Variants in FRMD4A observed in about 807,000 individuals in gnomAD.
FRMD4A encodes the protein FERM domain containing 4A.
FRMD4A carries 29 observed loss-of-function variants against 129.1 expected under a neutral mutation model. The ratio of observed to expected loss-of-function variants is 0.22; its 90% CI spans 0.17 to 0.31. The LOEUF is 0.31. Among genes scored for constraint, FRMD4A ranks in the 10% least tolerant of loss-of-function variants. FRMD4A has a pLI of 1.00. For missense variants in FRMD4A, 1,272 were observed against 1,375.8 expected, an observed-to-expected ratio of 0.92 and a Z score of 1.19; for synonymous variants, 634 against 571.6, an observed-to-expected ratio of 1.11 and a Z score of -1.56.
chr10:13,764,886 C>A (rs146188109), intron 6 of FRMD4A, among the ~76,000 whole-genome samples: 68 of 152,296 alleles, frequency 4.5e-4, no homozygotes, highest in African/African-American at 1.5e-3. Flanking sequence ...AGGGACTTTG[C>A]AAAACCACAG....
chr10:13,742,280 C>T (rs958422187), intron 9 of FRMD4A, among the ~76,000 whole-genome samples: 2 of 152,160 alleles, frequency 1.3e-5, no homozygotes, highest in African/African-American at 4.8e-5. Context: ...CCCCCGCTTT[C>T]GGAAGGGCAG....
chr10:14,255,086 G>A (rs1395996917), intron 2 of FRMD4A, among the ~76,000 whole-genome samples: 3 of 152,160 alleles, frequency 2.0e-5, no homozygotes, highest in South Asian at 2.1e-4. Flanking sequence ...ATGTGCAACC[G>A]TCTCAAAATC....
intron 2 of FRMD4A, among the ~76,000 whole-genome samples, chr10:14,185,765 CA>C (rs1457001001): frequency 6.6e-6 from 1 of 152,058 alleles, no homozygotes; most frequent in African/African-American, 2.4e-5. Context: ...TAGTACCAGC[CA>C]AAGCAACAGA....
At chr10:14,041,454 C>T (rs1401667309) in intron 2 of FRMD4A, among the ~76,000 whole-genome samples, 1 of 152,172 alleles carries the variant, frequency 6.6e-6, no homozygotes, top group African/African-American at 2.4e-5. Flanking sequence ...TCATTTTCTG[C>T]CACCAAAAGG....
intron 8 of FRMD4A, among the ~76,000 whole-genome samples, chr10:13,755,515 A>G (rs2091823483): frequency 6.6e-6 from 1 of 152,202 alleles, no homozygotes; most frequent in African/African-American, 2.4e-5. Flanking sequence ...TGGGCACCTA[A>G]TAACATGTGG....
chr10:13,793,912 G>C (rs1259610673), intron 5 of FRMD4A, among the ~76,000 whole-genome samples: 1 of 152,102 alleles, frequency 6.6e-6, no homozygotes, highest in Non-Finnish European at 1.5e-5. Flanking sequence ...ACAAATGATT[G>C]GTGTTTTGTT....
At chr10:13,726,023 TGCCAAGGAAGTGAGTTAGC>T (rs2089864874) in intron 12 of FRMD4A, among the ~76,000 whole-genome samples, 1 of 152,224 alleles carries the variant, frequency 6.6e-6, no homozygotes, top group Non-Finnish European at 1.5e-5. Flanking sequence ...AGTGAGTTAG[TGCCAAGGAAGTGAGTTAGC>T]GCCAAAATTC....
intron 2 of FRMD4A, among the ~76,000 whole-genome samples, chr10:14,216,422 A>G (rs907754110): frequency 6.6e-6 from 1 of 152,160 alleles, no homozygotes; most frequent in African/African-American, 2.4e-5. Flanking sequence ...TGTAATCTCA[A>G]TTCTTTGGGA....
At position 13,821,936 on chromosome 10, in the gene FRMD4A, G is replaced by A. The variant is rs1432868756; in HGVS notation, c.112-11028C>T. Reference sequence around the variant, plus strand: ...CGCCACACCTCCATCCTTTGCCCCCGCTAATGTTACACTTAGGGGACAGAG... The same window carrying A: ...CGCCACACCTCCATCCTTTGCCCCCACTAATGTTACACTTAGGGGACAGAG... On this transcript the variant is annotated intron_variant, in intron 3 of 24. Transcript: ENST00000357447. The surrounding 1 kb of genome is among the most constrained non-coding windows in gnomAD (Gnocchi z 4.3). Among the ~76,000 whole-genome samples the A allele has an allele frequency of 2.6e-5, 4 of 152,222 alleles. No individual in the cohort carries two copies. The highest frequency in any genetic ancestry group is 9.6e-5 in the African/African-American group (4 of 41,536).
At chr10:14,071,067 T>C (rs1372403927) in intron 2 of FRMD4A, among the ~76,000 whole-genome samples, 2 of 152,258 alleles carry the variant, frequency 1.3e-5, no homozygotes, top group Non-Finnish European at 2.9e-5. Context: ...CAAACGCCCC[T>C]TACCAGGGAA....
chr10:13,682,787 C>G (rs932568844), intron 15 of FRMD4A, among the ~76,000 whole-genome samples: 80 of 151,826 alleles, frequency 5.3e-4, no homozygotes, highest in Non-Finnish European at 5.9e-5. Flanking sequence ...GGATTACAGG[C>G]GTGAGCCACT....
intron 2 of FRMD4A, among the ~76,000 whole-genome samples, chr10:14,011,409 A>T (rs890145699): frequency 3.3e-5 from 5 of 152,132 alleles, no homozygotes; most frequent in African/African-American, 1.2e-4. Context: ...GCCAGGGGCC[A>T]GGTCACCTAG....
intron 2 of FRMD4A, among the ~76,000 whole-genome samples, chr10:13,879,404 T>C (rs1289033631): frequency 6.6e-6 from 1 of 152,174 alleles, no homozygotes; most frequent in African/African-American, 2.4e-5. Flanking sequence ...TCCCTGGTAC[T>C]CAGGAGGCTG....
At chr10:14,034,139 C>G (rs970679374) in intron 2 of FRMD4A, among the ~76,000 whole-genome samples, 3 of 152,206 alleles carry the variant, frequency 2.0e-5, no homozygotes, top group Middle Eastern at 3.2e-3. Flanking sequence ...TCCCTAGGGT[C>G]CCCCACTAAG....
At chr10:14,018,855 G>A (rs1019698551) in intron 2 of FRMD4A, among the ~76,000 whole-genome samples, 2 of 152,170 alleles carry the variant, frequency 1.3e-5, no homozygotes, top group African/African-American at 2.4e-5. Flanking sequence ...GGCATGCAGA[G>A]CTTCTGATGC....
intron 3 of FRMD4A, among the ~76,000 whole-genome samples, chr10:13,836,093 GT>G (rs914776719): frequency 6.6e-5 from 10 of 152,316 alleles, no homozygotes; most frequent in African/African-American, 2.4e-4. Context: ...TGCCTCCCGG[GT>G]TCAAGGGATT....
intron 12 of FRMD4A, among the ~76,000 whole-genome samples, chr10:13,720,654 A>C (rs2089325316): frequency 6.6e-6 from 1 of 152,188 alleles, no homozygotes; most frequent in Non-Finnish European, 1.5e-5. Context: ...ACAAATGGGA[A>C]CCAGGGAAGG....
intron 6 of FRMD4A, among the ~76,000 whole-genome samples, chr10:13,776,480 C>A (rs894938577): frequency 1.3e-5 from 2 of 152,142 alleles, no homozygotes; most frequent in Non-Finnish European, 2.9e-5. Context: ...TGCCCTGTGT[C>A]AATTATTTAT....
intron 2 of FRMD4A, among the ~76,000 whole-genome samples, chr10:14,015,640 T>A (rs1422673261): frequency 6.6e-6 from 1 of 152,190 alleles, no homozygotes; most frequent in Non-Finnish European, 1.5e-5. Context: ...GCTCTTCTTG[T>A]ATTCTGTACC....
Sources: allele counts gnomAD v4.1 joint callset (sites outside exome capture counted in the v4.1 genomes callset), GRCh38; gene constraint gnomAD v4.1.1; non-coding constraint Gnocchi (gnomAD v3.1); transcripts MANE v1.5; gene names NCBI Gene and HGNC (gene_info 2026-07-23, HGNC 2026-07-21).